The following KPNA1 variants were observed in gnomAD, a reference collection of about 807,000 sequenced individuals.
KPNA1 encodes the protein karyopherin subunit alpha 1, also known as importin subunit alpha-5.
In KPNA1, 10 loss-of-function variants were observed where a neutral mutation model predicts 70.5. The observed-to-expected ratio is 0.14, with a 90% CI of 0.09 to 0.24. The LOEUF (loss-of-function observed/expected upper bound fraction) is 0.24. Ranked by LOEUF, KPNA1 falls within the 10% of genes least tolerant of loss-of-function variation. The pLI is 1.00. For synonymous variants in KPNA1, 192 were observed against 221.9 expected, an observed-to-expected ratio of 0.87 and a Z score of 1.20; for missense variants, 397 against 637.9, an observed-to-expected ratio of 0.62 and a Z score of 4.07.
chr3:122,446,652 G>A (rs1365538781), intron 9 of KPNA1, among the ~76,000 whole-genome samples: 1 of 151,924 alleles, frequency 6.6e-6, no homozygotes, highest in African/African-American at 2.4e-5. Context: ...GTTAGCAGAA[G>A]GCAAGAAATA....
intron 6 of KPNA1, among the ~76,000 whole-genome samples, chr3:122,452,689 G>GGAGGGAA (rs2076221250): frequency 7.2e-6 from 1 of 139,392 alleles, no homozygotes; most frequent in Non-Finnish European, 1.6e-5. Context: ...GAAGGAGGGA[G>GGAGGGAA]GGAGGGAGAG....
intron 2 of KPNA1, among the ~76,000 whole-genome samples, chr3:122,484,613 A>T (rs2076608108): frequency 6.6e-6 from 1 of 152,100 alleles, no homozygotes; most frequent in South Asian, 2.1e-4. Flanking sequence ...ACTGCACTCC[A>T]GCCTGGGAGA....
At chr3:122,442,230 T>C (rs1335261477) in intron 9 of KPNA1, 114 bp from the exon 10 acceptor site, 3 of 750,906 alleles carry the variant, frequency 4.0e-6, no homozygotes, top group Admixed American at 4.4e-5. Context: ...AGCAGAAATG[T>C]ACCCATGGGG....
rs1461735963 is a variant in KPNA1 at position 122,424,003 on chromosome 3, C to A, written c.*2982G>T. ...GAACTGTGTCTCCTAAAATCTCTTT[C>A]TTCTATCATCTACCTTACCCAAAAT... On this transcript the variant is annotated 3_prime_UTR_variant, in exon 14 of 14. Transcript: ENST00000344337. 6.6e-6 allele frequency: 1 copy of A among 152,130 alleles called. No homozygotes were observed. Among genetic ancestry groups the A allele is most frequent in the African/African-American group, 2.4e-5 (1 of 41,420 alleles). 9.4% of individuals were successfully genotyped at this position (152,130 alleles called of 1,614,324 possible).
intron 2 of KPNA1, among the ~76,000 whole-genome samples, chr3:122,470,255 G>A (rs1035960225): frequency 1.3e-5 from 2 of 152,186 alleles, no homozygotes; most frequent in African/African-American, 4.8e-5. Context: ...GCTCACACCT[G>A]TACTCCCAGC....
At chr3:122,430,950 C>A (rs1182203695) in intron 12 of KPNA1, among the ~76,000 whole-genome samples, 1 of 152,126 alleles carries the variant, frequency 6.6e-6, no homozygotes, top group Non-Finnish European at 1.5e-5. Context: ...ACTGACCTGC[C>A]ACCTCCAAAA....
Position 122,426,977 on chromosome 3 carries a change from G to C in KPNA1, c.*8C>G. 5 of 1,612,138 alleles carry C rather than the reference G, an allele frequency of 3.1e-6. 1 individual carries two copies. The South Asian group carries it at 4.4e-5, about 14-fold the overall frequency. ...TCTGACACAGGTACGTGAAAGCAGA[G>C]TATTGCTTCAAAGCTGGAAACCTTC... On this transcript the variant is annotated 3_prime_UTR_variant, in exon 14 of 14. Coordinates refer to ENST00000344337, the MANE Select transcript of KPNA1 (RefSeq NM_002264.4).
At chr3:122,451,310 G>A (rs1376836515) in intron 8 of KPNA1, among the ~76,000 whole-genome samples, 1 of 152,036 alleles carries the variant, frequency 6.6e-6, no homozygotes, top group African/African-American at 2.4e-5. Flanking sequence ...TGCTTTATTT[G>A]CAGTCCCATC....
At chr3:122,469,570 C>T (rs1303800920) in intron 2 of KPNA1, among the ~76,000 whole-genome samples, 1 of 152,046 alleles carries the variant, frequency 6.6e-6, no homozygotes, top group Admixed American at 6.5e-5. Context: ...TAACCAGGTA[C>T]AAAAATAAAA....
intron 1 of KPNA1, among the ~76,000 whole-genome samples, chr3:122,513,544 T>C (rs1185884607): frequency 6.6e-6 from 1 of 152,158 alleles, no homozygotes; most frequent in Non-Finnish European, 1.5e-5. Flanking sequence ...TGAGCCTTGC[T>C]GGTGGCATCC....
chr3:122,464,177 T>A, intron 3 of KPNA1, 136 bp from the exon 4 acceptor site: 1 of 445,940 alleles, frequency 2.2e-6, no homozygotes, highest in Non-Finnish European at 4.0e-6. Context: ...GGACAATCTT[T>A]ACATATAGAA....
chr3:122,434,383 A>G (rs930469120), intron 11 of KPNA1, among the ~76,000 whole-genome samples: 6 of 152,038 alleles, frequency 3.9e-5, no homozygotes, highest in African/African-American at 1.5e-4. Flanking sequence ...TAAGAGCTCA[A>G]TTTTCTGCTC....
intron 2 of KPNA1, among the ~76,000 whole-genome samples, chr3:122,481,169 C>T (rs1432991852): frequency 6.6e-6 from 1 of 152,206 alleles, no homozygotes; most frequent in Non-Finnish European, 1.5e-5. Context: ...AAGTGCCGTA[C>T]TTAGCATACC....
chr3:122,442,801 A>G (rs2076081503), intron 9 of KPNA1: 1 of 152,212 alleles, frequency 6.6e-6, no homozygotes, highest in Non-Finnish European at 1.5e-5. Context: ...CAAATTTAAC[A>G]TGTGATGATT....
intron 2 of KPNA1, among the ~76,000 whole-genome samples, chr3:122,482,328 T>C (rs987662062): frequency 2.0e-5 from 3 of 152,232 alleles, no homozygotes; most frequent in African/African-American, 7.2e-5. Flanking sequence ...ACATCATATA[T>C]GTGCTCCATA....
intron 1 of KPNA1, among the ~76,000 whole-genome samples, chr3:122,509,031 A>G (rs1211050453): frequency 6.6e-6 from 1 of 152,152 alleles, no homozygotes; most frequent in Admixed American, 6.5e-5. Flanking sequence ...GGATCACTTG[A>G]GGTCAGGAGT....
intron 8 of KPNA1, 25 bp from the exon 9 acceptor site, chr3:122,449,762 G>GA: frequency 8.8e-6 from 14 of 1,588,996 alleles, no homozygotes; most frequent in Non-Finnish European, 1.1e-5. Flanking sequence ...TGATGATTAT[G>GA]AAATTCAATA....
intron 2 of KPNA1, among the ~76,000 whole-genome samples, chr3:122,469,251 TA>T (rs1466723638): frequency 6.6e-6 from 1 of 151,328 alleles, no homozygotes; most frequent in Non-Finnish European, 1.5e-5. Context: ...CCTTAAAGCA[TA>T]ACAAAGAAAT....
intron 8 of KPNA1, among the ~76,000 whole-genome samples, chr3:122,450,811 T>G (rs2076193345): frequency 6.6e-6 from 1 of 152,214 alleles, no homozygotes; most frequent in Non-Finnish European, 1.5e-5. Flanking sequence ...TACGCAGGTT[T>G]ATAGCAGCAC....
Sources: allele counts gnomAD v4.1 joint callset (sites outside exome capture counted in the v4.1 genomes callset), GRCh38; gene constraint gnomAD v4.1.1; transcripts MANE v1.5; gene names NCBI Gene and HGNC (gene_info 2026-07-23, HGNC 2026-07-21).